INPP5A: variants seen among roughly 807,000 people sequenced by gnomAD.
INPP5A encodes inositol polyphosphate-5-phosphatase A.
INPP5A carries 14 observed loss-of-function variants against 65.2 expected under a neutral mutation model. The observed-to-expected ratio is 0.21, with a 90% CI of 0.14 to 0.34. INPP5A has a LOEUF of 0.34. INPP5A is among the 10% of genes least tolerant of loss of function. The pLI, the probability that INPP5A is intolerant of heterozygous loss-of-function variation, is 1.00. For missense variants in INPP5A, 431 were observed against 545.6 expected (o/e 0.79, Z 2.09); for synonymous variants, 207 against 208.3 (o/e 0.99, Z 0.05).
intron 1 of INPP5A, among the ~76,000 whole-genome samples, chr10:132,560,528 G>A (rs1050906726): frequency 2.0e-5 from 3 of 152,162 alleles, no homozygotes; most frequent in Non-Finnish European, 4.4e-5. Context: ...ATCATGTTGA[G>A]TGTCTTTCGT....
chr10:132,712,236 C>T (rs1470632244), intron 8 of INPP5A, among the ~76,000 whole-genome samples: 1 of 151,604 alleles, frequency 6.6e-6, no homozygotes, highest in African/African-American at 2.4e-5. Context: ...AGTGTGCACA[C>T]CTTGTGTGCA....
intron 11 of INPP5A, among the ~76,000 whole-genome samples, chr10:132,758,178 G>A (rs111843377): frequency 3.8e-5 from 3 of 77,962 alleles, no homozygotes; most frequent in South Asian, 5.3e-4. Context: ...CCCATAGCCC[G>A]GCACCATGGC....
At chr10:132,757,695 G>A (rs922137221) in intron 11 of INPP5A, among the ~76,000 whole-genome samples, 1 of 152,248 alleles carries the variant, frequency 6.6e-6, no homozygotes, top group African/African-American at 2.4e-5. Context: ...AGAGAGGCTG[G>A]AAAGCCGAGC....
chr10:132,734,584 C>T (rs1378198566), intron 9 of INPP5A, among the ~76,000 whole-genome samples: 4 of 152,202 alleles, frequency 2.6e-5, no homozygotes, highest in African/African-American at 9.6e-5. Flanking sequence ...TTGTGGGCAG[C>T]CCCATTGGTC....
chr10:132,604,521 G>A, intron 1 of INPP5A, among the ~76,000 whole-genome samples: 1 of 152,234 alleles, frequency 6.6e-6, no homozygotes, highest in East Asian at 1.9e-4. Context: ...GGTTTGGGGG[G>A]AAAGGGGTGT....
At chr10:132,608,650 C>T (rs767483576) in intron 2 of INPP5A, among the ~76,000 whole-genome samples, 4 of 152,146 alleles carry the variant, frequency 2.6e-5, no homozygotes, top group South Asian at 2.1e-4. Context: ...AGGAGGGCAA[C>T]GTGGCCATGG....
intron 1 of INPP5A, among the ~76,000 whole-genome samples, chr10:132,572,476 A>G (rs2071356767): frequency 6.6e-6 from 1 of 151,094 alleles, no homozygotes; most frequent in Admixed American, 6.6e-5. Context: ...GGGGAGGGGG[A>G]TGCTGAGCAC....
At chr10:132,559,298 G>A (rs544899931) in intron 1 of INPP5A, among the ~76,000 whole-genome samples, 51 of 152,344 alleles carry the variant, frequency 3.3e-4, no homozygotes, top group African/African-American at 1.2e-3. Flanking sequence ...TCAGTGGGGG[G>A]TTAGTCCTGT....
At chr10:132,682,842 C>T (rs1395715651) in intron 4 of INPP5A, among the ~76,000 whole-genome samples, 1 of 151,938 alleles carries the variant, frequency 6.6e-6, no homozygotes, top group Non-Finnish European at 1.5e-5. Context: ...CTGCCGTGAC[C>T]CAGTAAGGCC....
chr10:132,548,390 C>T (rs1285933366), intron 1 of INPP5A, among the ~76,000 whole-genome samples: 2 of 152,170 alleles, frequency 1.3e-5, no homozygotes, highest in Non-Finnish European at 2.9e-5. Flanking sequence ...CTGCCCGTTG[C>T]CGGTGGCCCG....
Position 132,616,124 on chromosome 10 carries a change from A to T in INPP5A, c.117+8168A>T, listed in dbSNP as rs2072029444. Among the ~76,000 whole-genome samples the T allele has an allele frequency of 6.6e-6, 1 of 152,122 alleles. No homozygotes were observed. Among genetic ancestry groups the T allele is most frequent in the African/African-American group, 2.4e-5 (1 of 41,408 alleles). Reference sequence around the variant, plus strand: ...GCGTGAGGATGCCCATGGCCAGTGGACATGCCTTCCTCCTGTCCTTGCAGC... The same window carrying T: ...GCGTGAGGATGCCCATGGCCAGTGGTCATGCCTTCCTCCTGTCCTTGCAGC... On this transcript the variant is annotated intron_variant, in intron 2 of 15. Coordinates refer to ENST00000368594, the MANE Select transcript of INPP5A (RefSeq NM_005539.5). This position sits in a 1 kb window ranked among gnomAD's most constrained non-coding sequence, Gnocchi z 4.9.
intron 3 of INPP5A, among the ~76,000 whole-genome samples, chr10:132,648,944 C>G (rs1015800211): frequency 6.6e-6 from 1 of 152,162 alleles, no homozygotes; most frequent in Non-Finnish European, 1.5e-5. Context: ...TGTCCTTGTC[C>G]ATTATTTCTT....
intron 3 of INPP5A, among the ~76,000 whole-genome samples, chr10:132,646,336 C>A (rs971769885): frequency 1.3e-5 from 2 of 152,116 alleles, no homozygotes; most frequent in African/African-American, 4.8e-5. Flanking sequence ...TCAAGGAGGT[C>A]GGCAGGGAGC....
At chr10:132,566,544 G>C (rs1013463284) in intron 1 of INPP5A, among the ~76,000 whole-genome samples, 18 of 152,210 alleles carry the variant, frequency 1.2e-4, no homozygotes, top group African/African-American at 4.1e-4. Context: ...GTAAGGATAA[G>C]TTCATGTTCC....
intron 2 of INPP5A, among the ~76,000 whole-genome samples, chr10:132,613,408 A>T (rs941842844): frequency 2.6e-5 from 4 of 152,214 alleles, no homozygotes; most frequent in Admixed American, 2.6e-4. Flanking sequence ...GGAGGTGGAC[A>T]GCAGCACCTG....
rs182086096 is a variant in INPP5A at position 132,559,270 on chromosome 10, C to A, written c.75+21099C>A. ...CCGGCCCTGCTGAGTGAAGCGCACA[C>A]GTGGTAAATCTGCCCCATCAGTGGG... is the stretch of plus-strand genomic sequence containing the variant. On this transcript the variant is annotated intron_variant, in intron 1 of 15. Coordinates refer to ENST00000368594, the MANE Select transcript of INPP5A (RefSeq NM_005539.5). Among the ~76,000 whole-genome samples, 120 of 152,318 alleles carry A rather than the reference C, an allele frequency of 7.9e-4. 1 individual carries two copies. The highest frequency in any genetic ancestry group is 2.6e-3 in the Admixed American group (40 of 15,304).
intron 11 of INPP5A, among the ~76,000 whole-genome samples, chr10:132,759,732 C>A (rs941332424): frequency 3.9e-5 from 6 of 151,954 alleles, no homozygotes; most frequent in Non-Finnish European, 7.4e-5. Flanking sequence ...GGAGCCCCGG[C>A]CGTAAGCATC....
chr10:132,573,315 TGA>T (rs1363145801), intron 1 of INPP5A, among the ~76,000 whole-genome samples: 16 of 130,060 alleles, frequency 1.2e-4, no homozygotes, highest in South Asian at 2.5e-4. Context: ...GAGGTTTTGT[TGA>T]GATGTTGGGG....
intron 1 of INPP5A, among the ~76,000 whole-genome samples, chr10:132,570,306 G>T (rs947952636): frequency 6.6e-6 from 1 of 152,228 alleles, no homozygotes; most frequent in African/African-American, 2.4e-5. Flanking sequence ...AGAACCAGAT[G>T]ACCATTTGGG....
Sources: gnomAD v4.1 joint callset for allele counts (sites outside exome capture counted in the v4.1 genomes callset) on GRCh38, gnomAD v4.1.1 for gene constraint, Gnocchi (gnomAD v3.1) non-coding constraint, MANE v1.5 for transcripts, NCBI Gene and HGNC (gene_info 2026-07-23, HGNC 2026-07-21) for gene names.